NFILZ: variants seen among roughly 807,000 people sequenced by gnomAD.
The protein encoded by NFILZ is NFIL3 like basic leucine zipper, also known as NFIL3 like protein.
At chr19:8,675,716 A>G (rs1354745628) in intron 4 of NFILZ, among the ~76,000 whole-genome samples, 1 of 152,222 alleles carries the variant, frequency 6.6e-6, no homozygotes, top group Admixed American at 6.5e-5. Flanking sequence ...GCAGTGAACT[A>G]TGATCCCATC....
chr19:8,678,047 TCCATCCACCCATC>T lies in NFILZ; in HGVS notation c.*413_*425del. Among the ~76,000 whole-genome samples the T allele has an allele frequency of 9.2e-5, 5 of 54,314 alleles. No individual in the cohort carries two copies. The highest frequency in any genetic ancestry group is 6.8e-4 in the East Asian group (1 of 1,462). 35.6% of individuals were successfully genotyped at this position (54,314 alleles called of 152,430 possible). ...ATCCATCTATCCATCCATCCATCCA[TCCATCCACCCATC>T]TATTCATCCATCCATCAATCCATCC... On this transcript the variant is annotated 3_prime_UTR_variant, in exon 6 of 6. Transcript: ENST00000691075.
intron 3 of NFILZ, among the ~76,000 whole-genome samples, chr19:8,662,722 C>T (rs541606475): frequency 1.4e-4 from 21 of 151,246 alleles, no homozygotes; most frequent in African/African-American, 3.6e-4. Flanking sequence ...CTGCAACCTC[C>T]GCCTCCTGGG....
chr19:8,649,894 C>T (rs532896429), intron 3 of NFILZ, among the ~76,000 whole-genome samples: 39 of 151,924 alleles, frequency 2.6e-4, no homozygotes, highest in Non-Finnish European at 4.6e-4. Flanking sequence ...ATGGGCAGAT[C>T]ACCTGAGGTC....
At chr19:8,645,028 C>G (rs1050590505) in intron 3 of NFILZ, among the ~76,000 whole-genome samples, 193 of 150,402 alleles carry the variant, frequency 1.3e-3, no homozygotes, top group African/African-American at 4.6e-3. Context: ...CCATCCCCCA[C>G]CTCAGCCTCC....
chr19:8,681,085 G>A lies in NFILZ; in HGVS notation c.*3450G>A, dbSNP rs979701840. ...CGTTTCCAAGTATATTTCTGTTGTA[G>A]TTCTCCCCTTACCTCCATCCTGTGA... On this transcript the variant is annotated 3_prime_UTR_variant, in exon 6 of 6. Transcript: ENST00000691075. Among the ~76,000 whole-genome samples, 1 of 152,100 alleles carries A rather than the reference G, an allele frequency of 6.6e-6. No homozygotes were observed. Among genetic ancestry groups the A allele is most frequent in the African/African-American group, 2.4e-5 (1 of 41,416 alleles).
intron 3 of NFILZ, among the ~76,000 whole-genome samples, chr19:8,657,724 C>T (rs781977928): frequency 1.2e-4 from 18 of 152,192 alleles, no homozygotes; most frequent in Non-Finnish European, 1.5e-4. Context: ...GGAATAATTA[C>T]GGTGAGGCCA....
At chr19:8,646,020 G>A (rs1435433295) in intron 3 of NFILZ, among the ~76,000 whole-genome samples, 1 of 152,022 alleles carries the variant, frequency 6.6e-6, no homozygotes, top group African/African-American at 2.4e-5. Flanking sequence ...CCTACTACAT[G>A]CCAGACCCTT....
intron 5 of NFILZ, among the ~76,000 whole-genome samples, 126 bp downstream of exon 5, chr19:8,676,582 A>G (rs984378794): frequency 5.3e-5 from 8 of 152,152 alleles, no homozygotes; most frequent in Non-Finnish European, 1.2e-4. Context: ...GCCTCACCCA[A>G]TCTTCACTGG....
rs1600147808 is a variant in NFILZ, at chr19:8,656,492, TCTC to T, written c.-163-18057_-163-18055del. Among the ~76,000 whole-genome samples the T allele has an allele frequency of 8.3e-3, 186 of 22,452 alleles. 2 individuals are homozygous for T. Among genetic ancestry groups the T allele is most frequent in the African/African-American group, 0.017 (138 of 8,310 alleles). 14.7% of individuals were successfully genotyped at this position (22,452 alleles called of 152,430 possible). Reference sequence around the variant, plus strand: ...GCCCACCTTCTCCCGCAGCCCACCTTCTCCCGCAGCCCACCTTCTCCTGCAGCC... The same window carrying T: ...GCCCACCTTCTCCCGCAGCCCACCTTCCGCAGCCCACCTTCTCCTGCAGCC... On this transcript the variant is annotated intron_variant, in intron 3 of 5. Transcript: ENST00000691075.
chr19:8,660,681 A>T (rs1600150043), intron 3 of NFILZ, among the ~76,000 whole-genome samples: 1 of 133,026 alleles, frequency 7.5e-6, no homozygotes, highest in Non-Finnish European at 1.5e-5. Context: ...CTTGTTGCCC[A>T]GGTTGGAGTT....
intron 1 of NFILZ, among the ~76,000 whole-genome samples, chr19:8,631,580 C>T (rs1555745516): frequency 6.6e-6 from 1 of 152,108 alleles, no homozygotes. Flanking sequence ...GCCCCCTCTT[C>T]CCCCGAGTCC....
intron 3 of NFILZ, chr19:8,638,536 C>T (rs1555746327): frequency 6.6e-6 from 1 of 152,224 alleles, no homozygotes; most frequent in Non-Finnish European, 1.5e-5. Context: ...ACGAACACCT[C>T]CTGCGTGCCA....
At chr19:8,637,221 A>G (rs1457186868) in intron 3 of NFILZ, among the ~76,000 whole-genome samples, 2 of 152,060 alleles carry the variant, frequency 1.3e-5, no homozygotes, top group Non-Finnish European at 2.9e-5. Context: ...TGACGCACAC[A>G]TATAATCTCA....
intron 3 of NFILZ, among the ~76,000 whole-genome samples, chr19:8,651,125 G>A (rs978015351): frequency 5.3e-5 from 8 of 151,980 alleles, no homozygotes; most frequent in Non-Finnish European, 7.4e-5. Context: ...TGTTAGGAAC[G>A]TTTCAATTAC....
At chr19:8,669,475 GTTCTTAATCCTGCC>G (rs1568424560) in intron 3 of NFILZ, among the ~76,000 whole-genome samples, 1 of 147,912 alleles carries the variant, frequency 6.8e-6, no homozygotes, top group Non-Finnish European at 1.5e-5. Context: ...TAAAGCAGGT[GTTCTTAATCCTGCC>G]TATTTCATTG....
intron 4 of NFILZ, among the ~76,000 whole-genome samples, 153 bp downstream of exon 4, chr19:8,674,753 C>G (rs1333635802): frequency 2.0e-5 from 3 of 152,074 alleles, no homozygotes; most frequent in African/African-American, 4.8e-5. Context: ...TTGTATATTC[C>G]TTTATCCTCT....
chr19:8,668,317 A>AT (rs2043072008), intron 3 of NFILZ, among the ~76,000 whole-genome samples: 1 of 108,574 alleles, frequency 9.2e-6, no homozygotes, highest in African/African-American at 3.4e-5. Context: ...CAAATACTGT[A>AT]TTTTCAATCT....
rs2043128684 is a variant in NFILZ, at chr19:8,678,345, C to T, written c.*710C>T. On this transcript the variant is annotated 3_prime_UTR_variant, in exon 6 of 6. Coordinates refer to ENST00000691075, the MANE Select transcript of NFILZ (RefSeq NM_001378600.1). ...ATCTAGCCATCCATTCTCATTCATC[C>T]ATGCATTTGTTTTTCCTTCTATCTA... 6.6e-6 allele frequency among the ~76,000 whole-genome samples: 1 copy of T among 150,650 alleles called. No individual in the cohort carries two copies. The highest frequency in any genetic ancestry group is 2.4e-5 in the African/African-American group (1 of 41,010).
Position 8,680,252 on chromosome 19 carries a change from C to G in NFILZ, c.*2617C>G, listed in dbSNP as rs533095727. On this transcript the variant is annotated 3_prime_UTR_variant, in exon 6 of 6. Coordinates refer to ENST00000691075, the MANE Select transcript of NFILZ (RefSeq NM_001378600.1). ...AATCCTGTTTCCCTTTTTGCTTTGC[C>G]CACCAAGGAGCTCAGGGCCGAGCTT... Among the ~76,000 whole-genome samples the G allele has an allele frequency of 6.6e-6, 1 of 150,670 alleles. No individual in the cohort carries two copies. Among genetic ancestry groups the G allele is most frequent in the South Asian group, 2.1e-4 (1 of 4,784 alleles).
Sources: allele counts gnomAD v4.1 joint callset (sites outside exome capture counted in the v4.1 genomes callset), GRCh38; gene constraint gnomAD v4.1.1; transcripts MANE v1.5; gene names NCBI Gene and HGNC (gene_info 2026-07-23, HGNC 2026-07-21).